COL19A1: variants seen among roughly 807,000 people sequenced by gnomAD.
COL19A1 encodes collagen alpha-1(XIX) chain.
A neutral mutation model predicts 190.2 loss-of-function variants in COL19A1; 159 were observed. The ratio of observed to expected loss-of-function variants is 0.84; its 90% CI spans 0.73 to 0.95. The LOEUF (loss-of-function observed/expected upper bound fraction) is 0.95, where lower values mean the gene tolerates loss of function less well. Ranked by LOEUF, COL19A1 falls within the 40% of genes least tolerant of loss-of-function variation. The pLI, the probability that COL19A1 is intolerant of heterozygous loss-of-function variation, is 0.00. For missense variants in COL19A1, 1,418 were observed against 1,431.9 expected (o/e 0.99, Z 0.16); for synonymous variants, 509 against 458.9 (o/e 1.11, Z -1.39).
Position 69,929,477 on chromosome 6 carries a change from C to A in COL19A1, c.443C>A (p.Ala148Asp), listed in dbSNP as rs761927803. The A allele has an allele frequency of 1.9e-6, 3 of 1,613,828 alleles. No individual in the cohort carries two copies. The highest frequency in any genetic ancestry group is 8.5e-7 in the Non-Finnish European group (1 of 1,179,922). Residue 148 changes from alanine (A) to aspartate (D), a missense_variant, in exon 6 of 51, where the codon GCC becomes GAC. Transcript: ENST00000620364. ...GKKVVEFMFQATEGDVLNYIF... is the reference protein window; with the variant it reads ...GKKVVEFMFQDTEGDVLNYIF... ...AAGGTGGTGGAATTTATGTTTCAAG[C>A]CACAGAGGGAGATGTGTTGAACTAC...
intron 4 of COL19A1, among the ~76,000 whole-genome samples, chr6:69,925,135 G>A (rs539556659): frequency 6.1e-4 from 93 of 152,228 alleles, no homozygotes; most frequent in African/African-American, 2.2e-3. Context: ...ATTGCTTTTG[G>A]TGTTTTAGAC....
At chr6:70,174,460 T>A (rs1481742054) in intron 41 of COL19A1, among the ~76,000 whole-genome samples, 1 of 151,816 alleles carries the variant, frequency 6.6e-6, no homozygotes, top group East Asian at 1.9e-4. Flanking sequence ...CTCAGGAGGC[T>A]GAGGCAGAAG....
intron 14 of COL19A1, among the ~76,000 whole-genome samples, chr6:70,067,353 G>T (rs1395165511): frequency 6.6e-6 from 1 of 152,122 alleles, no homozygotes; most frequent in Non-Finnish European, 1.5e-5. Context: ...AACTGTATGT[G>T]AGAGAGAAGT....
chr6:70,099,374 G>A (rs1783486945), intron 15 of COL19A1, among the ~76,000 whole-genome samples: 1 of 152,162 alleles, frequency 6.6e-6, no homozygotes, highest in African/African-American at 2.4e-5. Flanking sequence ...ATGACAGGTT[G>A]CAGCCAAAAC....
At position 70,151,408 on chromosome 6, in the gene COL19A1, T is replaced by C. The variant is rs150216552; in HGVS notation, c.2049T>C (p.Pro683=). 2.0e-5 allele frequency: 33 copies of C among 1,612,642 alleles called. No individual in the cohort carries two copies. The highest frequency in any genetic ancestry group is 2.5e-5 in the Non-Finnish European group (29 of 1,179,106). ...PGPPGDPIAL[P]LLGDIGALLK... Reference sequence around the variant, plus strand: ...CTTCTTAACCACAGATTGCACTTCCTCTCTTGGGAGACATCGGTGCTTTGC... The same window carrying C: ...CTTCTTAACCACAGATTGCACTTCCCCTCTTGGGAGACATCGGTGCTTTGC... The change falls in exon 31 of 51, where the codon CCT becomes CCC. Residue 683 remains proline, a synonymous_variant. Coordinates refer to ENST00000620364, the MANE Select transcript of COL19A1 (RefSeq NM_001858.6).
At chr6:70,115,827 T>TTTG (rs1784537683) in intron 16 of COL19A1, among the ~76,000 whole-genome samples, 1 of 70,410 alleles carries the variant, frequency 1.4e-5, no homozygotes, top group South Asian at 4.1e-4. Flanking sequence ...GGTGTTTTGT[T>TTTG]TTTTTTTTTT....
intron 14 of COL19A1, among the ~76,000 whole-genome samples, chr6:70,036,598 G>C (rs1183773974): frequency 1.3e-5 from 2 of 151,876 alleles, no homozygotes; most frequent in Non-Finnish European, 2.9e-5. Context: ...TTTTTTCATA[G>C]GTGATTAAAG....
At chr6:70,169,343 C>T (rs1420346528) in intron 40 of COL19A1, among the ~76,000 whole-genome samples, 1 of 152,076 alleles carries the variant, frequency 6.6e-6, no homozygotes, top group African/African-American at 2.4e-5. Flanking sequence ...TCAAGCATAT[C>T]CTTCATGTTT....
chr6:70,091,563 G>A (rs1782928879), intron 15 of COL19A1, among the ~76,000 whole-genome samples: 1 of 152,162 alleles, frequency 6.6e-6, no homozygotes, highest in Admixed American at 6.6e-5. Flanking sequence ...AACAAATAGA[G>A]TTTAAAAGTC....
intron 15 of COL19A1, among the ~76,000 whole-genome samples, chr6:70,076,318 T>A (rs1243873073): frequency 6.6e-6 from 1 of 152,246 alleles, no homozygotes; most frequent in East Asian, 1.9e-4. Flanking sequence ...TTTTGTGGTA[T>A]CACACTGAAA....
At chr6:70,026,037 C>T (rs1236375918) in intron 12 of COL19A1, among the ~76,000 whole-genome samples, 1 of 146,146 alleles carries the variant, frequency 6.8e-6, no homozygotes, top group African/African-American at 2.8e-5. Context: ...TATGTGGGCT[C>T]TCTGAGATAG....
rs150435025 is a variant in COL19A1 at position 70,100,613 on chromosome 6, C to T, written c.1225-1556C>T. Among the ~76,000 whole-genome samples the T allele has an allele frequency of 7.1e-3, 1,057 of 148,290 alleles. 9 individuals carry two copies. Among genetic ancestry groups the T allele is most frequent in the Non-Finnish European group, 0.011 (741 of 67,532 alleles). On this transcript the variant is annotated intron_variant, in intron 15 of 50. Coordinates refer to ENST00000620364, the MANE Select transcript of COL19A1 (RefSeq NM_001858.6). Reference sequence around the variant, plus strand: ...TTCTCCCGTGTTCAAGCAATTCTGCCTCCAGAGTGGCTGGGATTACAGGCA... The same window carrying T: ...TTCTCCCGTGTTCAAGCAATTCTGCTTCCAGAGTGGCTGGGATTACAGGCA...
chr6:70,023,574 A>G (rs1778560747), intron 11 of COL19A1, 53 bp from the exon 12 acceptor site: 6 of 1,466,680 alleles, frequency 4.1e-6, no homozygotes, highest in Non-Finnish European at 9.3e-7. Context: ...ATTTTTTGCT[A>G]GCAAAGGTTT....
At chr6:70,023,713 T>C in intron 12 of COL19A1, 33 bp downstream of exon 12, 1 of 1,584,746 alleles carries the variant, frequency 6.3e-7, no homozygotes, top group Admixed American at 1.8e-5. Flanking sequence ...ATACTCTGTT[T>C]ACATTTTACC....
intron 9 of COL19A1, among the ~76,000 whole-genome samples, chr6:69,955,528 T>TGC (rs1774364703): frequency 7.5e-6 from 1 of 133,128 alleles, no homozygotes; most frequent in South Asian, 2.4e-4. Context: ...GCAAAGTGTG[T>TGC]GTGTGTGTGT....
intron 44 of COL19A1, among the ~76,000 whole-genome samples, chr6:70,181,863 C>A (rs911718320): frequency 6.6e-6 from 1 of 151,954 alleles, no homozygotes; most frequent in Non-Finnish European, 1.5e-5. Flanking sequence ...GAAGTGAGCC[C>A]GATGGGGTCC....
chr6:70,089,703 G>T (rs1397329302), intron 15 of COL19A1, among the ~76,000 whole-genome samples: 1 of 152,110 alleles, frequency 6.6e-6, no homozygotes, highest in Non-Finnish European at 1.5e-5. Flanking sequence ...CCTTTCCCTT[G>T]AAAATTCATC....
At chr6:70,143,229 A>C (rs949526803) in intron 23 of COL19A1, among the ~76,000 whole-genome samples, 3 of 152,208 alleles carry the variant, frequency 2.0e-5, no homozygotes, top group Non-Finnish European at 4.4e-5. Context: ...GAAAGCTTCT[A>C]TCATTTTCTA....
At position 69,871,627 on chromosome 6, in the gene COL19A1, G is replaced by A. The variant is rs185520469; in HGVS notation, c.-33+4987G>A. Among the ~76,000 whole-genome samples the A allele has an allele frequency of 2.6e-5, 4 of 151,104 alleles. No individual in the cohort carries two copies. In the East Asian group the frequency reaches 7.8e-4, roughly 29 times the overall value. On this transcript the variant is annotated intron_variant, in intron 1 of 50. Coordinates refer to ENST00000620364, the MANE Select transcript of COL19A1 (RefSeq NM_001858.6). ...TCCTTTCCATATTATTTTCTATTTT[G>A]GTGTTGGCTTTAACACTCTGACCTT...
Sources: allele counts gnomAD v4.1 joint callset (sites outside exome capture counted in the v4.1 genomes callset), GRCh38; gene constraint gnomAD v4.1.1; transcripts MANE v1.5; gene names NCBI Gene and HGNC (gene_info 2026-07-23, HGNC 2026-07-21).